GNAQ: variants seen among roughly 807,000 people sequenced by gnomAD.
GNAQ encodes the protein guanine nucleotide-binding protein G(q) subunit alpha.
GNAQ carries 8 observed loss-of-function variants against 43.9 expected under a neutral mutation model. The observed-to-expected ratio is 0.18, with a 90% confidence interval of 0.11 to 0.33. GNAQ has a LOEUF of 0.33. Among genes scored for constraint, GNAQ ranks in the 10% least tolerant of loss-of-function variants. GNAQ has a pLI of 1.00. For missense variants in GNAQ, 158 were observed against 450.8 expected (o/e 0.35, Z 5.88); for synonymous variants, 155 against 170.7 (o/e 0.91, Z 0.71).
intron 5 of GNAQ, among the ~76,000 whole-genome samples, chr9:77,783,323 T>C (rs1826425659): frequency 6.6e-6 from 1 of 152,236 alleles, no homozygotes; most frequent in East Asian, 1.9e-4. Flanking sequence ...TATGTGTGTG[T>C]ATAAAAAATT....
chr9:77,958,319 T>C (rs1293552591), intron 1 of GNAQ, among the ~76,000 whole-genome samples: 2 of 152,002 alleles, frequency 1.3e-5, no homozygotes, highest in Non-Finnish European at 2.9e-5. Context: ...CATTGTATCC[T>C]ATTGGCAACA....
At chr9:77,949,523 C>A (rs192492036) in intron 1 of GNAQ, among the ~76,000 whole-genome samples, 1 of 152,106 alleles carries the variant, frequency 6.6e-6, no homozygotes, top group Non-Finnish European at 1.5e-5. Context: ...TAGTGCCGGC[C>A]ACACAAGTCC....
Position 77,717,654 on chromosome 9 carries a change from G to C in GNAQ, c.*3669C>G, listed in dbSNP as rs1421805475. The stretch of plus-strand genomic sequence containing the variant: ...ACAGTTCGTACACTTTGACAATCAA[G>C]ATAGTCTGAAGTACAAAAAAGTAAA... On this transcript the variant is annotated 3_prime_UTR_variant, in exon 7 of 7. Coordinates refer to ENST00000286548, the MANE Select transcript of GNAQ (RefSeq NM_002072.5). 4.3e-6 allele frequency: 1 copy of C among 231,592 alleles called. No homozygotes were observed. Among genetic ancestry groups the C allele is most frequent in the Non-Finnish European group, 8.5e-6 (1 of 117,462 alleles). 14.3% of individuals were successfully genotyped at this position (231,592 alleles called of 1,614,324 possible).
chr9:77,823,511 GCTATAAAGAA>G (rs1338431344), intron 2 of GNAQ, among the ~76,000 whole-genome samples: 3 of 152,086 alleles, frequency 2.0e-5, no homozygotes, highest in African/African-American at 7.2e-5. Context: ...TTCTCACACT[GCTATAAAGAA>G]CTACCTGAGA....
chr9:77,999,092 C>CAAAAA (rs56358201), intron 1 of GNAQ, among the ~76,000 whole-genome samples: 1 of 52,564 alleles, frequency 1.9e-5, no homozygotes, highest in Non-Finnish European at 3.0e-5. Flanking sequence ...AACTCTGTCT[C>CAAAAA]AAAAAAAAAA....
At chr9:78,030,235 T>A (rs918538926) in intron 1 of GNAQ, among the ~76,000 whole-genome samples, 4 of 152,190 alleles carry the variant, frequency 2.6e-5, no homozygotes, top group African/African-American at 7.2e-5. Flanking sequence ...TATTGTGAAC[T>A]GAGGCCTACA....
chr9:77,994,546 G>A (rs897439985), intron 1 of GNAQ, among the ~76,000 whole-genome samples: 8 of 151,942 alleles, frequency 5.3e-5, no homozygotes, highest in Non-Finnish European at 1.0e-4. Flanking sequence ...ACTGGTTTCC[G>A]GCAGCCATAT....
At chr9:77,997,432 TTC>T (rs1489079438) in intron 1 of GNAQ, among the ~76,000 whole-genome samples, 4 of 152,218 alleles carry the variant, frequency 2.6e-5, no homozygotes, top group African/African-American at 9.6e-5. Context: ...TGCCATCGAA[TTC>T]TCTGTCTCCA....
chr9:77,923,062 G>A (rs1428384987), intron 1 of GNAQ, among the ~76,000 whole-genome samples: 1 of 151,166 alleles, frequency 6.6e-6, no homozygotes, highest in East Asian at 1.9e-4. Flanking sequence ...TCACTAGATT[G>A]ACTGGGCTGG....
intron 2 of GNAQ, among the ~76,000 whole-genome samples, chr9:77,834,757 CCT>C (rs1352813568): frequency 6.6e-6 from 1 of 152,176 alleles, no homozygotes; most frequent in Non-Finnish European, 1.5e-5. Context: ...GAACTTTCTT[CCT>C]GTGTACATGG....
At chr9:77,788,906 T>G (rs1826524732) in intron 5 of GNAQ, among the ~76,000 whole-genome samples, 1 of 152,222 alleles carries the variant, frequency 6.6e-6, no homozygotes, top group Non-Finnish European at 1.5e-5. Context: ...TCTGATTTAC[T>G]TCCTTCCATG....
At chr9:77,984,169 T>G (rs1587445366) in intron 1 of GNAQ, among the ~76,000 whole-genome samples, 1 of 142,104 alleles carries the variant, frequency 7.0e-6, no homozygotes, top group Non-Finnish European at 1.5e-5. Flanking sequence ...GGGATTTTTT[T>G]GCTTTTCTTT....
chr9:78,005,897 G>C (rs1018898143), intron 1 of GNAQ, among the ~76,000 whole-genome samples: 2 of 152,198 alleles, frequency 1.3e-5, no homozygotes, highest in East Asian at 3.8e-4. Flanking sequence ...TCGGCCAACG[G>C]AAAAGGGTAT....
intron 5 of GNAQ, among the ~76,000 whole-genome samples, chr9:77,753,039 A>T (rs1825838632): frequency 6.9e-6 from 1 of 145,116 alleles, no homozygotes; most frequent in East Asian, 2.0e-4. Context: ...GTGAGCCGAG[A>T]TCGCGCCACT....
intron 2 of GNAQ, among the ~76,000 whole-genome samples, chr9:77,890,180 C>T (rs138500090): frequency 3.4e-4 from 52 of 152,094 alleles, no homozygotes; most frequent in Non-Finnish European, 6.6e-4. Flanking sequence ...ATTGCCGATT[C>T]GCACATATCT....
chr9:78,015,887 T>A (rs1377473890), intron 1 of GNAQ, among the ~76,000 whole-genome samples: 4 of 152,042 alleles, frequency 2.6e-5, no homozygotes, highest in Admixed American at 6.5e-5. Context: ...AAATATTTTT[T>A]AAAATAATCT....
intron 5 of GNAQ, among the ~76,000 whole-genome samples, chr9:77,791,255 T>C (rs1007884231): frequency 2.0e-5 from 3 of 152,132 alleles, no homozygotes; most frequent in Admixed American, 1.3e-4. Context: ...ATCTTTGTAG[T>C]AGTGCTCAGA....
chr9:78,006,715 T>C (rs1190868275), intron 1 of GNAQ, among the ~76,000 whole-genome samples: 1 of 152,230 alleles, frequency 6.6e-6, no homozygotes, highest in East Asian at 1.9e-4. Flanking sequence ...TATGTGTGTT[T>C]AGAACTGTCT....
chr9:78,003,845 T>C (rs1823673853), intron 1 of GNAQ, among the ~76,000 whole-genome samples: 1 of 143,422 alleles, frequency 7.0e-6, no homozygotes, highest in Non-Finnish European at 1.5e-5. Flanking sequence ...AAAGCTGGAG[T>C]CCGAACTGCA....
Sources: gnomAD v4.1 joint callset for allele counts (sites outside exome capture counted in the v4.1 genomes callset) on GRCh38, gnomAD v4.1.1 for gene constraint, MANE v1.5 for transcripts, NCBI Gene and HGNC (gene_info 2026-07-23, HGNC 2026-07-21) for gene names.